ENTPD5: variants seen among roughly 807,000 people sequenced by gnomAD.
ENTPD5 encodes the protein nucleoside diphosphate phosphatase ENTPD5.
In ENTPD5, 49 loss-of-function variants were observed where a neutral mutation model predicts 60.2. The observed-to-expected ratio is 0.81, with a 90% CI of 0.65 to 1.03. ENTPD5 has a LOEUF of 1.03. ENTPD5 is among the 50% of genes least tolerant of loss of function. The probability of loss-of-function intolerance (pLI) is 0.00; values close to 1 mark genes in which losing one functional copy is unlikely to be tolerated. For missense variants in ENTPD5, 480 were observed against 507.6 expected (o/e 0.95, Z 0.52); for synonymous variants, 187 against 185.4 (o/e 1.01, Z -0.07).
At chr14:73,978,682 G>A (rs954555603) in intron 6 of ENTPD5, among the ~76,000 whole-genome samples, 4 of 151,404 alleles carry the variant, frequency 2.6e-5, no homozygotes, top group Admixed American at 6.6e-5. Context: ...GCCAAAGTGC[G>A]GGCGGATCAC....
chr14:73,989,864 G>A (rs940308258), intron 3 of ENTPD5, among the ~76,000 whole-genome samples: 3 of 142,274 alleles, frequency 2.1e-5, no homozygotes, highest in East Asian at 2.2e-4. Context: ...AAAATTAGCC[G>A]GGCTTGGTGG....
In ENTPD5 at chr14:74,014,386, C is replaced by A. The variant is rs371886466; in HGVS notation, c.-131+1438G>T. Among the ~76,000 whole-genome samples, 32 of 149,242 alleles carry A rather than the reference C, an allele frequency of 2.1e-4. No individual in the cohort carries two copies. In the South Asian group the frequency reaches 4.9e-3, roughly 23 times the overall value. ...AGTGAGATCCAGTCTTTACTCCCCC[C>A]CCCCACAAAAAAAAGTTAGCTGGGC... On this transcript the variant is annotated intron_variant, in intron 2 of 15. Transcript: ENST00000334696.
intron 13 of ENTPD5, among the ~76,000 whole-genome samples, chr14:73,972,299 G>A (rs1331715287): frequency 1.3e-5 from 2 of 152,048 alleles, no homozygotes; most frequent in Non-Finnish European, 2.9e-5. Context: ...GGTTGAACCC[G>A]GGAGGCAGAG....
At chr14:74,003,802 GA>G (rs879688920) in intron 3 of ENTPD5, among the ~76,000 whole-genome samples, 30 of 149,688 alleles carry the variant, frequency 2.0e-4, no homozygotes, top group South Asian at 6.3e-4. Flanking sequence ...AAGAAAAAAA[GA>G]AAAAAAAAAT....
At chr14:74,017,639 A>G (rs1373880927) in intron 1 of ENTPD5, among the ~76,000 whole-genome samples, 2 of 151,104 alleles carry the variant, frequency 1.3e-5, no homozygotes, top group Non-Finnish European at 2.9e-5. Context: ...AAATCTCAAC[A>G]CTTTGGGAGA....
chr14:73,972,479 T>A (rs1476677924), intron 13 of ENTPD5, among the ~76,000 whole-genome samples: 1 of 152,156 alleles, frequency 6.6e-6, no homozygotes, highest in Non-Finnish European at 1.5e-5. Flanking sequence ...ATCAGGTACA[T>A]ATACTTTCAC....
chr14:73,983,191 G>A, intron 5 of ENTPD5, 30 bp from the exon 6 acceptor site: 4 of 1,592,446 alleles, frequency 2.5e-6, no homozygotes, highest in Non-Finnish European at 3.4e-6. Flanking sequence ...TTCATCTGAT[G>A]AACGATCCAT....
downstream of ENTPD5, chr14:73,955,605 A>T: frequency 7.3e-7 from 1 of 1,378,704 alleles, no homozygotes; most frequent in Non-Finnish European, 1.0e-6. Flanking sequence ...TGTAGGAGGA[A>T]TCAGACAAGG....
intron 6 of ENTPD5, among the ~76,000 whole-genome samples, chr14:73,980,921 A>G (rs2057661694): frequency 6.6e-6 from 1 of 151,904 alleles, no homozygotes. Context: ...AACATGGCGA[A>G]ACCCCATCTC....
chr14:73,982,539 G>A (rs915901658), intron 6 of ENTPD5, among the ~76,000 whole-genome samples: 2 of 151,898 alleles, frequency 1.3e-5, no homozygotes, highest in Admixed American at 6.6e-5. Context: ...GGCAGATCAC[G>A]AGGTCAGGAG....
chr14:74,013,270 T>G (rs2058901203), intron 2 of ENTPD5, among the ~76,000 whole-genome samples: 2 of 152,224 alleles, frequency 1.3e-5, no homozygotes, highest in African/African-American at 4.8e-5. Flanking sequence ...CTCACATTGT[T>G]CTAACTTCCC....
downstream of ENTPD5, chr14:73,958,289 T>C (rs754825802): frequency 6.2e-7 from 1 of 1,613,804 alleles, no homozygotes; most frequent in Non-Finnish European, 8.5e-7. Context: ...TAGTTGAAGA[T>C]TCTTATTTTG....
At chr14:73,956,027 A>C, downstream of ENTPD5, 1 of 1,560,914 alleles carries the variant, frequency 6.4e-7, no homozygotes, top group South Asian at 1.1e-5. Flanking sequence ...TGTCCACCAT[A>C]AAGAAATCCT....
chr14:74,012,438 T>C (rs2058876508), intron 2 of ENTPD5, among the ~76,000 whole-genome samples: 1 of 152,166 alleles, frequency 6.6e-6, no homozygotes, highest in African/African-American at 2.4e-5. Flanking sequence ...ACTGATTACT[T>C]AACAGAGTAC....
rs9805994 is a variant in ENTPD5 at position 74,008,586 on chromosome 14, G to A, written c.-71+2505C>T. Among the ~76,000 whole-genome samples the A allele has an allele frequency of 9.3e-3, 1,417 of 151,820 alleles. 25 individuals carry two copies. Among genetic ancestry groups the A allele is most frequent in the African/African-American group, 0.033 (1,355 of 41,430 alleles). On this transcript the variant is annotated intron_variant, in intron 3 of 15. Coordinates refer to ENST00000334696, the MANE Select transcript of ENTPD5 (RefSeq NM_001249.5). ...CTTTTTGTGTATTTTTAGTAGAGAC[G>A]GGGTTTCACAGTGTTAGCCAGGAGG... is the stretch of plus-strand genomic sequence containing the variant.
At chr14:73,974,779 C>A in intron 11 of ENTPD5, 145 bp downstream of exon 11, 1 of 682,686 alleles carries the variant, frequency 1.5e-6, no homozygotes, top group South Asian at 2.0e-5. Flanking sequence ...AGGAGTTTGC[C>A]ATTATTAGGT....
At chr14:73,955,418 G>C, downstream of ENTPD5, 2 of 1,589,268 alleles carry the variant, frequency 1.3e-6, no homozygotes, top group Non-Finnish European at 1.7e-6. Context: ...TCCTTGTGAA[G>C]TCACTCTGGT....
intron 6 of ENTPD5, among the ~76,000 whole-genome samples, chr14:73,980,261 G>A (rs1256508734): frequency 5.5e-5 from 8 of 144,988 alleles, no homozygotes; most frequent in Non-Finnish European, 7.6e-5. Flanking sequence ...ATGATTTTCA[G>A]TTTCAATCTT....
rs1555365444 is a variant in ENTPD5, at chr14:73,996,521, AAC to A, written c.-70-8351_-70-8350del. The A allele has an allele frequency of 3.9e-4, 59 of 152,004 alleles. No homozygotes were observed. In the East Asian group the frequency reaches 5.2e-3, roughly 13 times the overall value. 9.4% of individuals were successfully genotyped at this position (152,004 alleles called of 1,614,324 possible). A position where few individuals can be genotyped will look rare whatever the true frequency, so the allele number is the denominator to read the frequency against. On this transcript the variant is annotated intron_variant, in intron 3 of 15. Transcript: ENST00000334696. ...TGGTCTCTTAAAAAAAAAAAAAAAAAACTTTAGAAACCTGGGCATTCACCTGT... is the reference window on the plus strand; with the variant it reads ...TGGTCTCTTAAAAAAAAAAAAAAAAATTTAGAAACCTGGGCATTCACCTGT...
Sources: allele counts gnomAD v4.1 joint callset (sites outside exome capture counted in the v4.1 genomes callset), GRCh38; gene constraint gnomAD v4.1.1; transcripts MANE v1.5; gene names NCBI Gene and HGNC (gene_info 2026-07-23, HGNC 2026-07-21).